Variants in SRFBP1 observed in about 807,000 individuals in gnomAD.
SRFBP1 encodes the protein serum response factor-binding protein 1.
SRFBP1 carries 47 observed loss-of-function variants against 45.5 expected under a neutral mutation model. The observed-to-expected ratio is 1.03, with a 90% CI of 0.82 to 1.32. The LOEUF (loss-of-function observed/expected upper bound fraction) is 1.32. Among genes scored for constraint, SRFBP1 ranks in the 40% most tolerant of loss-of-function variants. The pLI is 0.00. For synonymous variants in SRFBP1, 203 were observed against 166.3 expected, an observed-to-expected ratio of 1.22 and a Z score of -1.70; for missense variants, 621 against 484.6, an observed-to-expected ratio of 1.28 and a Z score of -2.64.
At chr5:122,076,816 T>TC (rs1754650852), downstream of SRFBP1, 1 of 1,269,136 alleles carries the variant, frequency 7.9e-7, no homozygotes, top group African/African-American at 1.5e-5. Context: ...CGCGAAGCAG[T>TC]AGCAGTCAGA....
At chr5:122,077,831 C>T (rs1459190604), downstream of SRFBP1, 4 of 1,551,748 alleles carry the variant, frequency 2.6e-6, no homozygotes, top group African/African-American at 4.1e-5. The surrounding 1 kb of genome is among the most constrained non-coding windows in gnomAD (Gnocchi z 4.9). Context: ...GAACACCTGC[C>T]CGTTGTTCTC....
At chr5:122,076,550 A>T (rs1370793583), downstream of SRFBP1, among the ~76,000 whole-genome samples, 1 of 152,122 alleles carries the variant, frequency 6.6e-6, no homozygotes, top group African/African-American at 2.4e-5. Context: ...ATTACAATAA[A>T]TTTTTTGAAT....
At chr5:122,037,279 T>G (rs114037125) in intron 2 of SRFBP1, among the ~76,000 whole-genome samples, 1 of 152,288 alleles carries the variant, frequency 6.6e-6, no homozygotes, top group African/African-American at 2.4e-5. Flanking sequence ...ACAAACATCA[T>G]GCTCACACTC....
chr5:122,040,052 C>T (rs1205787976), intron 2 of SRFBP1, among the ~76,000 whole-genome samples: 1 of 151,980 alleles, frequency 6.6e-6, no homozygotes, highest in Non-Finnish European at 1.5e-5. Context: ...ATCTTTTCCC[C>T]CAAATTTCCT....
intron 7 of SRFBP1, among the ~76,000 whole-genome samples, chr5:122,024,435 T>G (rs539285071): frequency 1.3e-5 from 2 of 152,328 alleles, no homozygotes; most frequent in African/African-American, 4.8e-5. Context: ...CTCAGTGGTT[T>G]GTCATCTATC....
intron 4 of SRFBP1, among the ~76,000 whole-genome samples, chr5:121,998,897 TC>T (rs1174176455): frequency 6.6e-6 from 1 of 152,212 alleles, no homozygotes; most frequent in Non-Finnish European, 1.5e-5. Context: ...TCCTGCTTCT[TC>T]CTTACTAATT....
Position 122,074,009 on chromosome 5 carries a change from A to G in SRFBP1, n.312-1306A>G, listed in dbSNP as rs763804503. The G allele has an allele frequency of 3.5e-5, 57 of 1,610,692 alleles. No homozygotes were observed. The highest frequency in any genetic ancestry group is 2.5e-4 in the Admixed American group (15 of 59,968). ...AGGTTCTGGATTTCAGGGTGCCAAC[A>G]TACCTGTGTGTGTGCAGTACATGCA... On this transcript the variant is annotated intron_variant and non_coding_transcript_variant, in intron 2 of 2. Transcript: ENST00000504881.
chr5:122,045,672 A>G (rs1487221503), intron 2 of SRFBP1, among the ~76,000 whole-genome samples: 2 of 152,112 alleles, frequency 1.3e-5, no homozygotes, highest in Non-Finnish European at 2.9e-5. Flanking sequence ...TCACTGGTGT[A>G]TAGGAATGCT....
chr5:122,007,453 G>C (rs1753001523), intron 4 of SRFBP1, among the ~76,000 whole-genome samples: 1 of 151,980 alleles, frequency 6.6e-6, no homozygotes, highest in African/African-American at 2.4e-5. Flanking sequence ...TGCTGGTGCT[G>C]ACATGGTGTC....
chr5:122,010,989 T>C (rs1284733041), intron 4 of SRFBP1, among the ~76,000 whole-genome samples: 4 of 152,130 alleles, frequency 2.6e-5, no homozygotes, highest in Admixed American at 2.6e-4. Flanking sequence ...CCAATTCTCG[T>C]GATACAGCCA....
intron 3 of SRFBP1, among the ~76,000 whole-genome samples, chr5:121,977,733 C>T: frequency 6.6e-6 from 1 of 151,962 alleles, no homozygotes; most frequent in East Asian, 1.9e-4. Flanking sequence ...TTCTTGCTTT[C>T]TATAATAATA....
At chr5:121,964,765 C>T (rs1021655561) in intron 1 of SRFBP1, among the ~76,000 whole-genome samples, 1 of 152,146 alleles carries the variant, frequency 6.6e-6, no homozygotes, top group African/African-American at 2.4e-5. Flanking sequence ...GAGGAATCAC[C>T]ACACTGTCTT....
chr5:122,007,204 A>C (rs943323337), intron 4 of SRFBP1, among the ~76,000 whole-genome samples: 3 of 151,968 alleles, frequency 2.0e-5, no homozygotes, highest in African/African-American at 7.3e-5. Flanking sequence ...TTCATGTGAT[A>C]GGGCCTGAAG....
chr5:122,076,049 C>T (rs2152590551), downstream of SRFBP1: 1 of 152,384 alleles, frequency 6.6e-6, no homozygotes, highest in South Asian at 2.1e-4. Context: ...TGTAACTTCA[C>T]TATCCCAAAA....
chr5:122,027,277 C>G lies in SRFBP1; in HGVS notation c.*151C>G, dbSNP rs1753502981. On this transcript the variant is annotated 3_prime_UTR_variant, in exon 8 of 8. Transcript: ENST00000339397. ...CTGGGCTCAAGTGATCCTCCCACCT[C>G]TGCCTCCCAAAGGGCTGGGACTGCA... is the stretch of plus-strand genomic sequence containing the variant. 12 of 594,304 alleles carry G rather than the reference C, an allele frequency of 2.0e-5. No individual in the cohort carries two copies. The highest frequency in any genetic ancestry group is 1.0e-4 in the Admixed American group (3 of 28,904). The allele number at this position is 594,304 out of a possible 1,614,324, so 36.8% of individuals were successfully genotyped here.
At chr5:122,069,807 A>G (rs1017265263) in intron 2 of SRFBP1, among the ~76,000 whole-genome samples, 1 of 152,078 alleles carries the variant, frequency 6.6e-6, no homozygotes, top group Non-Finnish European at 1.5e-5. Context: ...CTGGGTAAAC[A>G]CTGTGGTCTG....
chr5:122,069,826 T>C, intron 2 of SRFBP1: 1 of 516,936 alleles, frequency 1.9e-6, no homozygotes, highest in Non-Finnish European at 3.7e-6. Flanking sequence ...TGTTTATGTC[T>C]TCTCCTGAAA....
chr5:122,020,559 T>C lies in SRFBP1; in HGVS notation c.824T>C (p.Met275Thr). 1.2e-6 allele frequency: 2 copies of C among 1,614,136 alleles called. No homozygotes were observed. The highest frequency in any genetic ancestry group is 1.3e-5 in the African/African-American group (1 of 75,052). Residue 275 changes from methionine (M) to threonine (T), a missense_variant, in exon 6 of 8, where the codon ATG (methionine) becomes ACG (threonine). Met to Thr is a moderately conservative substitution (Grantham distance 81). Coordinates refer to ENST00000339397, the MANE Select transcript of SRFBP1 (RefSeq NM_152546.3). The stretch of plus-strand genomic sequence containing the variant: ...GAAAGGTTTTACAAGCAGTCTTCCA[T>C]GTCTGAAGATAGTGATAGCGGTGAC... ...TEERFYKQSSMSEDSDSGDDF... is the reference protein window; with the variant it reads ...TEERFYKQSSTSEDSDSGDDF...
At chr5:122,077,068 C>A (rs1489940543), downstream of SRFBP1, 2 of 1,584,400 alleles carry the variant, frequency 1.3e-6, no homozygotes, top group South Asian at 1.1e-5. This position sits in a 1 kb window ranked among gnomAD's most constrained non-coding sequence, Gnocchi z 4.9. Context: ...AACTCCCTAC[C>A]CCTCTAGGTC....
Sources: gnomAD v4.1 joint callset for allele counts (sites outside exome capture counted in the v4.1 genomes callset) on GRCh38, gnomAD v4.1.1 for gene constraint, Gnocchi (gnomAD v3.1) non-coding constraint, MANE v1.5 for transcripts, NCBI Gene and HGNC (gene_info 2026-07-23, HGNC 2026-07-21) for gene names.